Variants in UST observed in about 807,000 individuals in gnomAD.
UST encodes the protein chondroitin sulfate 2-O-sulfotransferase.
Under a neutral mutation model 45.6 loss-of-function variants are expected in UST, and 21 were observed. The ratio of observed to expected loss-of-function variants is 0.46; its 90% CI spans 0.33 to 0.66. The LOEUF (loss-of-function observed/expected upper bound fraction) is 0.66, where lower values mean the gene tolerates loss of function less well. Among genes scored for constraint, UST ranks in the 30% least tolerant of loss-of-function variants. The probability of loss-of-function intolerance (pLI) is 0.02; values close to 1 mark genes in which losing one functional copy is unlikely to be tolerated. For missense variants in UST, 463 were observed against 512.4 expected (o/e 0.90, Z 0.93); for synonymous variants, 215 against 200.6 (o/e 1.07, Z -0.61).
intron 5 of UST, among the ~76,000 whole-genome samples, chr6:148,966,656 A>G (rs994440331): frequency 2.0e-5 from 3 of 152,228 alleles, no homozygotes. Context: ...ACACACTCAC[A>G]CAAATAATAA....
intron 1 of UST, among the ~76,000 whole-genome samples, chr6:148,880,908 A>G (rs1321948060): frequency 2.6e-5 from 4 of 152,024 alleles, no homozygotes; most frequent in African/African-American, 9.7e-5. Flanking sequence ...GGGCGCCTGT[A>G]ATCCCAGCTA....
chr6:148,774,791 G>T (rs1390453813), intron 1 of UST, among the ~76,000 whole-genome samples: 1 of 152,190 alleles, frequency 6.6e-6, no homozygotes, highest in African/African-American at 2.4e-5. Flanking sequence ...GGCCAAGGTG[G>T]GCGGATCACC....
At chr6:148,756,681 G>C (rs748930309) in intron 1 of UST, among the ~76,000 whole-genome samples, 13 of 152,194 alleles carry the variant, frequency 8.5e-5, no homozygotes, top group Non-Finnish European at 1.6e-4. Context: ...CTCTTATGAA[G>C]TTTTGACATT....
intron 7 of UST, among the ~76,000 whole-genome samples, chr6:149,042,970 T>A (rs1776337954): frequency 3.8e-5 from 4 of 105,906 alleles, no homozygotes; most frequent in South Asian, 5.8e-4. Flanking sequence ...TTTCTTTCTT[T>A]CTTTCTTTCT....
At chr6:148,803,581 T>A (rs1469919130) in intron 1 of UST, among the ~76,000 whole-genome samples, 1 of 152,218 alleles carries the variant, frequency 6.6e-6, no homozygotes, top group Non-Finnish European at 1.5e-5. Context: ...TCAACTCAGA[T>A]TTCATGCTGA....
chr6:149,013,231 T>A (rs1384292293), intron 5 of UST, among the ~76,000 whole-genome samples: 1 of 152,210 alleles, frequency 6.6e-6, no homozygotes, highest in Non-Finnish European at 1.5e-5. Flanking sequence ...CTTTTCTAGA[T>A]CTTGAGATTA....
rs1775779489 is a variant in UST, at chr6:149,010,022, A to T, written c.682-9117A>T. Among the ~76,000 whole-genome samples the T allele has an allele frequency of 2.6e-5, 4 of 151,694 alleles. No homozygotes were observed. The South Asian group carries it at 8.3e-4, about 31-fold the overall frequency. On this transcript the variant is annotated intron_variant, in intron 5 of 7. Transcript: ENST00000367463. ...TCTTTAAAATATAAGTTTTTTTAAA[A>T]AAAAAACTAGGGTTGTAGTCATATT...
chr6:149,005,655 A>G (rs1186637703), intron 5 of UST: 2 of 962,238 alleles, frequency 2.1e-6, no homozygotes, highest in Admixed American at 1.2e-4. Context: ...TTCTTAAAGG[A>G]CTGATTTCCA....
Position 149,021,372 on chromosome 6 carries a change from A to G in UST, c.828A>G (p.Glu276=). 6.2e-7 allele frequency: 1 copy of G among 1,614,174 alleles called. No homozygotes were observed. The highest frequency in any genetic ancestry group is 1.3e-5 in the African/African-American group (1 of 75,050). ...AGAGAGCAAAGCTGAACGTGAATGA[A>G]AACTTCCTGCTCGTGGGGATTCTTG... is the stretch of plus-strand genomic sequence containing the variant. ...ALERAKLNVN[E]NFLLVGILEE... Residue 276 remains glutamate (E), a synonymous_variant, in exon 7 of 8, where the codon GAA becomes GAG. Coordinates refer to ENST00000367463, the MANE Select transcript of UST (RefSeq NM_005715.3).
At chr6:148,963,266 C>A (rs114386091) in intron 4 of UST, among the ~76,000 whole-genome samples, 1 of 152,120 alleles carries the variant, frequency 6.6e-6, no homozygotes. Flanking sequence ...TTCTTTCTGA[C>A]CCCTGACAGA....
At chr6:148,936,894 C>T (rs541517973) in intron 2 of UST, among the ~76,000 whole-genome samples, 12 of 152,114 alleles carry the variant, frequency 7.9e-5, no homozygotes, top group South Asian at 6.2e-4. Context: ...AGTGTTTCAC[C>T]GTGTTGGCCA....
At chr6:148,974,166 G>C (rs948229345) in intron 5 of UST, among the ~76,000 whole-genome samples, 1 of 152,158 alleles carries the variant, frequency 6.6e-6, no homozygotes, top group Non-Finnish European at 1.5e-5. Context: ...GTCGATGTTA[G>C]CATGAGCTTA....
At chr6:148,802,830 T>C (rs1404831790) in intron 1 of UST, among the ~76,000 whole-genome samples, 1 of 152,162 alleles carries the variant, frequency 6.6e-6, no homozygotes, top group African/African-American at 2.4e-5. Context: ...GTCTTAGAGC[T>C]TTGAGCAGAA....
intron 2 of UST, among the ~76,000 whole-genome samples, chr6:148,917,261 C>T (rs1459079606): frequency 1.3e-5 from 2 of 152,232 alleles, no homozygotes; most frequent in African/African-American, 4.8e-5. Flanking sequence ...ACTGTATACA[C>T]TGCCGTGAGG....
intron 1 of UST, among the ~76,000 whole-genome samples, chr6:148,784,060 A>G (rs1021169933): frequency 1.3e-5 from 2 of 152,196 alleles, no homozygotes; most frequent in Non-Finnish European, 2.9e-5. Flanking sequence ...GCATATCACG[A>G]AACCCCAACC....
chr6:148,787,242 C>T (rs2114697572), intron 1 of UST, among the ~76,000 whole-genome samples: 1 of 152,024 alleles, frequency 6.6e-6, no homozygotes, highest in South Asian at 2.1e-4. Context: ...CTTTTGTTGT[C>T]TTCATCATTA....
At chr6:148,854,032 A>G (rs1280527877) in intron 1 of UST, among the ~76,000 whole-genome samples, 1 of 152,252 alleles carries the variant, frequency 6.6e-6, no homozygotes, top group Non-Finnish European at 1.5e-5. Context: ...ACACATGATG[A>G]AGTCTGATAG....
At chr6:148,833,028 C>T (rs1214652949) in intron 1 of UST, among the ~76,000 whole-genome samples, 1 of 152,134 alleles carries the variant, frequency 6.6e-6, no homozygotes, top group Non-Finnish European at 1.5e-5. Context: ...TATCCAACAC[C>T]ATTTGATGGA....
At chr6:149,014,277 T>C (rs1387398958) in intron 5 of UST, among the ~76,000 whole-genome samples, 1 of 152,216 alleles carries the variant, frequency 6.6e-6, no homozygotes, top group East Asian at 1.9e-4. Flanking sequence ...TATTTCAGGA[T>C]GCCAGGAGCA....
Sources: gnomAD v4.1 joint callset for allele counts (sites outside exome capture counted in the v4.1 genomes callset) on GRCh38, gnomAD v4.1.1 for gene constraint, MANE v1.5 for transcripts, NCBI Gene and HGNC (gene_info 2026-07-23, HGNC 2026-07-21) for gene names.